Variants in CD6 observed in about 807,000 individuals in gnomAD.
The protein encoded by CD6 is CD6 molecule, also known as T-cell differentiation antigen CD6.
CD6 carries 53 observed loss-of-function variants against 75.3 expected under a neutral mutation model. That is an observed-to-expected ratio of 0.70 (90% CI 0.56 to 0.88). CD6 has a LOEUF of 0.88. Among genes scored for constraint, CD6 ranks in the 40% least tolerant of loss-of-function variants. CD6 has a pLI of 0.00. For missense variants in CD6, 770 were observed against 897.1 expected (o/e 0.86, Z 1.81); for synonymous variants, 359 against 381.5 (o/e 0.94, Z 0.69).
chr11:60,976,918 G>A (rs1857384268), intron 1 of CD6, among the ~76,000 whole-genome samples: 1 of 152,144 alleles, frequency 6.6e-6, no homozygotes, highest in Admixed American at 6.5e-5. Flanking sequence ...CTTCCTGCCT[G>A]GCAAGACTTC....
intron 1 of CD6, among the ~76,000 whole-genome samples, chr11:60,977,431 C>T (rs2134997403): frequency 6.6e-6 from 1 of 152,232 alleles, no homozygotes; most frequent in East Asian, 1.9e-4. Flanking sequence ...GCTGGGATCC[C>T]CAGGCTGTAT....
intron 8 of CD6, among the ~76,000 whole-genome samples, chr11:61,014,836 T>A (rs1433966524): frequency 1.3e-5 from 2 of 152,146 alleles, no homozygotes; most frequent in Non-Finnish European, 2.9e-5. Context: ...GCATTATGAA[T>A]GTATTCAATC....
chr11:60,976,597 C>T (rs1241919076), intron 1 of CD6, among the ~76,000 whole-genome samples: 6 of 152,156 alleles, frequency 3.9e-5, no homozygotes, highest in African/African-American at 4.8e-5. Flanking sequence ...GAAACAATGG[C>T]GCCATTGCAG....
At chr11:60,976,804 T>C (rs1857380855) in intron 1 of CD6, among the ~76,000 whole-genome samples, 1 of 152,218 alleles carries the variant, frequency 6.6e-6, no homozygotes, top group Non-Finnish European at 1.5e-5. Context: ...ATCCAAGTTA[T>C]ACAAACCTAA....
chr11:60,991,383 C>T (rs928745361), intron 1 of CD6, among the ~76,000 whole-genome samples: 1 of 151,970 alleles, frequency 6.6e-6, no homozygotes, highest in Non-Finnish European at 1.5e-5. Context: ...GAACTCCCAA[C>T]CTCAGGTGAT....
intron 1 of CD6, among the ~76,000 whole-genome samples, chr11:61,000,282 G>A (rs1335426096): frequency 1.3e-5 from 2 of 150,704 alleles, no homozygotes; most frequent in Non-Finnish European, 2.9e-5. Flanking sequence ...TGTTAAGGCT[G>A]TTGGCATCTG....
intron 1 of CD6, among the ~76,000 whole-genome samples, chr11:60,987,647 C>T (rs1385437164): frequency 6.6e-6 from 1 of 151,998 alleles, no homozygotes; most frequent in Non-Finnish European, 1.5e-5. Flanking sequence ...CTCCTCCTAG[C>T]CCACTCATCC....
intron 1 of CD6, among the ~76,000 whole-genome samples, chr11:60,986,717 C>T (rs1565145298): frequency 6.6e-6 from 1 of 152,162 alleles, no homozygotes; most frequent in Non-Finnish European, 1.5e-5. Flanking sequence ...TCCAGAATGC[C>T]CTAGAAGCTC....
At chr11:61,018,259 C>T (rs1223030433) in intron 11 of CD6, 30 bp from the exon 12 acceptor site, 6 of 1,536,402 alleles carry the variant, frequency 3.9e-6, no homozygotes, top group South Asian at 2.4e-5. Context: ...TGTGTGCTGG[C>T]AGAGGGTGAC....
rs775028348 is a variant in CD6 at position 60,993,364 on chromosome 11, GTCATCT to G, written c.50-13208_50-13203del. Among the ~76,000 whole-genome samples the G allele has an allele frequency of 2.6e-3, 398 of 152,272 alleles. 2 individuals are homozygous for G. Among genetic ancestry groups the G allele is most frequent in the Non-Finnish European group, 3.9e-3 (264 of 68,026 alleles). ...AAAAGAAGGCTAAGGAGCTGTCAGA[GTCATCT>G]TTCTGCCTGGTATGGAATGTAGAAT... On this transcript the variant is annotated intron_variant, in intron 1 of 12. Transcript: ENST00000313421.
chr11:61,009,964 G>A (rs1047959081), intron 5 of CD6, 90 bp downstream of exon 5: 4 of 1,334,504 alleles, frequency 3.0e-6, no homozygotes, highest in Non-Finnish European at 4.1e-6. Flanking sequence ...GACCACAATA[G>A]GCACCAGATC....
Position 61,015,822 on chromosome 11 carries a change from G to C in CD6, c.1497G>C (p.Leu499=). The change falls in exon 9 of 13, where the codon CTG becomes CTC. Residue 499 remains leucine (L), a synonymous_variant. Coordinates refer to ENST00000313421, the MANE Select transcript of CD6 (RefSeq NM_006725.5). The part of the protein sequence containing the change: ...YDFSAQPPVA[L]TTFYNSQRHR... ...TCAGCGCCCAGCCTCCTGTGGCCCTGACCACCTTCTACAGTGAGTGCCTGG... is the reference window on the plus strand; with the variant it reads ...TCAGCGCCCAGCCTCCTGTGGCCCTCACCACCTTCTACAGTGAGTGCCTGG... 1 of 1,614,114 alleles carries C rather than the reference G, an allele frequency of 6.2e-7. No homozygotes were observed. Among genetic ancestry groups the C allele is most frequent in the South Asian group, 1.1e-5 (1 of 91,076 alleles).
At chr11:60,972,728 C>G (rs1387695313) in intron 1 of CD6, among the ~76,000 whole-genome samples, 1 of 152,138 alleles carries the variant, frequency 6.6e-6, no homozygotes, top group African/African-American at 2.4e-5. Flanking sequence ...CTGGGTCCAC[C>G]TTGCAGCCAG....
chr11:61,011,211 G>T, intron 6 of CD6, 76 bp downstream of exon 6: 1 of 1,134,200 alleles, frequency 8.8e-7, no homozygotes. Flanking sequence ...GTGTTCCTGT[G>T]CACACCTGTG....
At chr11:60,976,288 G>A (rs1376774894) in intron 1 of CD6, among the ~76,000 whole-genome samples, 5 of 152,136 alleles carry the variant, frequency 3.3e-5, no homozygotes, top group African/African-American at 7.2e-5. Flanking sequence ...TTCTGTTTCT[G>A]AGTTATTAAA....
At chr11:60,980,813 C>G (rs12286901) in intron 1 of CD6, among the ~76,000 whole-genome samples, 229 of 152,128 alleles carry the variant, frequency 1.5e-3, no homozygotes, top group African/African-American at 5.3e-3. Flanking sequence ...GCACTTCAGC[C>G]TATGCAACAG....
At chr11:61,009,542 C>T (rs370754400) in intron 4 of CD6, 30 bp from the exon 5 acceptor site, 2 of 1,551,598 alleles carry the variant, frequency 1.3e-6, no homozygotes, top group African/African-American at 2.7e-5. Flanking sequence ...GGATTCTGAC[C>T]TGACTCTGTC....
intron 1 of CD6, among the ~76,000 whole-genome samples, chr11:60,979,749 G>C (rs1388876955): frequency 1.3e-5 from 2 of 152,176 alleles, no homozygotes; most frequent in Non-Finnish European, 2.9e-5. Context: ...TGGGATTACA[G>C]GTGTGAGCCA....
chr11:61,013,161 CAGAT>C (rs1163465235), intron 6 of CD6, among the ~76,000 whole-genome samples: 2 of 152,218 alleles, frequency 1.3e-5, no homozygotes, highest in Admixed American at 6.5e-5. Flanking sequence ...AGCTAGCAGA[CAGAT>C]AGATCTCTGC....
Sources: gnomAD v4.1 joint callset for allele counts (sites outside exome capture counted in the v4.1 genomes callset) on GRCh38, gnomAD v4.1.1 for gene constraint, MANE v1.5 for transcripts, NCBI Gene and HGNC (gene_info 2026-07-23, HGNC 2026-07-21) for gene names.